The following NAALADL2 variants were observed in gnomAD, a reference collection of about 807,000 sequenced individuals.
NAALADL2 encodes the protein N-acetylated alpha-linked acidic dipeptidase like 2, also known as inactive N-acetylated-alpha-linked acidic dipeptidase-like protein 2.
Under a neutral mutation model 87.2 loss-of-function variants are expected in NAALADL2, and 76 were observed. That is an observed-to-expected ratio of 0.87 (90% confidence interval 0.72 to 1.05). The LOEUF is 1.05. Among genes scored for constraint, NAALADL2 ranks in the 50% least tolerant of loss-of-function variants. The pLI, the probability that NAALADL2 is intolerant of heterozygous loss-of-function variation, is 0.00. For missense variants in NAALADL2, 1,089 were observed against 945.8 expected (o/e 1.15, Z -1.99); for synonymous variants, 354 against 331.0 (o/e 1.07, Z -0.75).
At chr3:174,800,400 G>C (rs962160945) in intron 3 of NAALADL2, among the ~76,000 whole-genome samples, 1 of 152,212 alleles carries the variant, frequency 6.6e-6, no homozygotes. Context: ...AGCCTTGGCA[G>C]CTTCCATGTG....
intron 1 of NAALADL2, among the ~76,000 whole-genome samples, chr3:174,933,470 G>A (rs923142672): frequency 2.6e-5 from 4 of 152,114 alleles, no homozygotes; most frequent in African/African-American, 9.7e-5. Context: ...GATGAATTAC[G>A]TTGCCTCATT....
intron 2 of NAALADL2, among the ~76,000 whole-genome samples, chr3:174,722,633 C>T (rs571134944): frequency 3.9e-5 from 6 of 152,104 alleles, no homozygotes; most frequent in Non-Finnish European, 7.4e-5. Context: ...ACTCAGAGGG[C>T]GGAGGTTGCA....
At chr3:174,883,669 G>C (rs908373851) in intron 1 of NAALADL2, among the ~76,000 whole-genome samples, 1 of 152,168 alleles carries the variant, frequency 6.6e-6, no homozygotes, top group Non-Finnish European at 1.5e-5. Context: ...TTCTGCAGCT[G>C]GTCACGTGGT....
At chr3:174,642,394 G>A (rs939861498) in intron 2 of NAALADL2, among the ~76,000 whole-genome samples, 5 of 151,596 alleles carry the variant, frequency 3.3e-5, no homozygotes, top group African/African-American at 7.3e-5. Flanking sequence ...CCAGCTACTC[G>A]CGAGGCTGAG....
intron 2 of NAALADL2, among the ~76,000 whole-genome samples, chr3:174,721,247 G>A (rs1731683105): frequency 1.3e-5 from 2 of 152,112 alleles, no homozygotes; most frequent in Admixed American, 6.5e-5. Context: ...TCTGCTGAAG[G>A]ATTTTTAAGA....
At chr3:174,925,062 C>G (rs1260719273) in intron 1 of NAALADL2, among the ~76,000 whole-genome samples, 3 of 152,128 alleles carry the variant, frequency 2.0e-5, no homozygotes, top group Admixed American at 2.0e-4. Context: ...TGTGTGTAAG[C>G]TCTTTCGTTT....
At chr3:175,432,024 G>T (rs946055253) in intron 5 of NAALADL2, among the ~76,000 whole-genome samples, 3 of 151,140 alleles carry the variant, frequency 2.0e-5, no homozygotes, top group East Asian at 3.9e-4. Context: ...ATTACTTCTT[G>T]TTGAGAAAAA....
chr3:175,017,767 G>T (rs1056033798), intron 1 of NAALADL2, among the ~76,000 whole-genome samples: 1 of 151,932 alleles, frequency 6.6e-6, no homozygotes, highest in Non-Finnish European at 1.5e-5. Context: ...TATTATTTTT[G>T]GGGGGCACTG....
At chr3:175,402,777 C>CT (rs1288518180) in intron 5 of NAALADL2, among the ~76,000 whole-genome samples, 2 of 151,964 alleles carry the variant, frequency 1.3e-5, no homozygotes, top group Non-Finnish European at 2.9e-5. Flanking sequence ...TCCTCCAGCT[C>CT]TGAAAAAATT....
At chr3:175,162,020 T>C (rs1290118196) in intron 2 of NAALADL2, among the ~76,000 whole-genome samples, 2 of 152,200 alleles carry the variant, frequency 1.3e-5, no homozygotes, top group Admixed American at 6.6e-5. Flanking sequence ...TTAGAGCAAT[T>C]GGAATTTCAC....
intron 2 of NAALADL2, among the ~76,000 whole-genome samples, chr3:175,143,551 CAAAAAA>C (rs200363916): frequency 1.8e-5 from 2 of 113,402 alleles, no homozygotes; most frequent in Admixed American, 9.0e-5. Context: ...CAATGTTAGC[CAAAAAA>C]AAAAAAAAAA....
intron 1 of NAALADL2, among the ~76,000 whole-genome samples, chr3:175,057,965 T>C (rs1372859938): frequency 6.6e-6 from 1 of 152,226 alleles, no homozygotes; most frequent in Admixed American, 6.5e-5. Context: ...TCCAAACCCA[T>C]ACTGAAATTA....
chr3:175,161,505 A>T (rs1733209140), intron 2 of NAALADL2, among the ~76,000 whole-genome samples: 1 of 152,106 alleles, frequency 6.6e-6, no homozygotes, highest in Non-Finnish European at 1.5e-5. Context: ...TCAAGACTAA[A>T]ATTCCCAGAA....
chr3:175,043,993 C>T (rs1754388023), intron 1 of NAALADL2, among the ~76,000 whole-genome samples: 1 of 152,102 alleles, frequency 6.6e-6, no homozygotes. Context: ...AATGTTAATT[C>T]TTCCAATCTG....
intron 1 of NAALADL2, among the ~76,000 whole-genome samples, chr3:174,482,170 AC>A (rs1180713400): frequency 1.3e-5 from 2 of 152,042 alleles, no homozygotes; most frequent in African/African-American, 4.8e-5. Flanking sequence ...TGCTGCTGTT[AC>A]CCCAGAAACT....
intron 13 of NAALADL2, among the ~76,000 whole-genome samples, chr3:175,796,963 TC>T (rs1753572203): frequency 6.6e-6 from 1 of 152,100 alleles, no homozygotes; most frequent in African/African-American, 2.4e-5. Context: ...TTTTCAGTTT[TC>T]TTTTGCTTTA....
At chr3:175,766,798 T>G (rs994616384) in intron 13 of NAALADL2, among the ~76,000 whole-genome samples, 1 of 152,228 alleles carries the variant, frequency 6.6e-6, no homozygotes, top group African/African-American at 2.4e-5. Context: ...CCAATTGCTG[T>G]GTAAATCGTG....
intron 2 of NAALADL2, among the ~76,000 whole-genome samples, chr3:175,192,743 C>T (rs1255801414): frequency 1.3e-5 from 2 of 151,882 alleles, no homozygotes; most frequent in Non-Finnish European, 2.9e-5. Flanking sequence ...TCCGTTGGCT[C>T]CTATCCAATG....
intron 13 of NAALADL2, among the ~76,000 whole-genome samples, chr3:175,791,813 T>C (rs1235645582): frequency 2.0e-5 from 3 of 151,396 alleles, no homozygotes; most frequent in Non-Finnish European, 4.4e-5. Flanking sequence ...AAATTGTACA[T>C]GCAGCACACC....
Sources: allele counts gnomAD v4.1 joint callset (sites outside exome capture counted in the v4.1 genomes callset), GRCh38; gene constraint gnomAD v4.1.1; transcripts MANE v1.5; gene names NCBI Gene and HGNC (gene_info 2026-07-23, HGNC 2026-07-21).